Variants in COL12A1 observed in about 807,000 individuals in gnomAD.
COL12A1 encodes the protein collagen alpha-1(XII) chain.
In COL12A1, 114 loss-of-function variants were observed where a neutral mutation model predicts 349.7. The observed-to-expected ratio is 0.33, with a 90% confidence interval of 0.28 to 0.38. The LOEUF (loss-of-function observed/expected upper bound fraction) is 0.38, where lower values mean the gene tolerates loss of function less well. COL12A1 is among the 10% of genes least tolerant of loss of function. COL12A1 has a pLI of 1.00. For missense variants in COL12A1, 3,284 were observed against 3,756.9 expected (o/e 0.87, Z 3.29); for synonymous variants, 1,369 against 1,329.0 (o/e 1.03, Z -0.66).
intron 37 of COL12A1, 95 bp from the exon 38 acceptor site, chr6:75,128,520 G>A (rs1766130633): frequency 2.8e-6 from 3 of 1,088,024 alleles, no homozygotes; most frequent in Non-Finnish European, 3.6e-6. Flanking sequence ...AACAGTAATA[G>A]TAGTTTTTTT....
intron 14 of COL12A1, among the ~76,000 whole-genome samples, chr6:75,159,038 CAAGA>C (rs1379599042): frequency 6.6e-6 from 1 of 151,688 alleles, no homozygotes; most frequent in Non-Finnish European, 1.5e-5. Flanking sequence ...ACCCCAAACA[CAAGA>C]AACATAAAGA....
intron 32 of COL12A1, among the ~76,000 whole-genome samples, chr6:75,134,386 A>G (rs1286007114): frequency 1.3e-5 from 2 of 152,072 alleles, no homozygotes; most frequent in South Asian, 2.1e-4. Context: ...CCTGGCCAAC[A>G]TGGTGAAACC....
At chr6:75,150,718 T>C (rs1767437290) in intron 21 of COL12A1, among the ~76,000 whole-genome samples, 1 of 152,080 alleles carries the variant, frequency 6.6e-6, no homozygotes, top group African/African-American at 2.4e-5. Flanking sequence ...TTTAAGACAA[T>C]AGGTATATAC....
intron 60 of COL12A1, 100 bp downstream of exon 60, chr6:75,095,008 T>G (rs1582037675): frequency 5.5e-6 from 6 of 1,091,944 alleles, no homozygotes; most frequent in Non-Finnish European, 6.7e-6. Flanking sequence ...TTCAAACACA[T>G]TACAGCAGAG....
intron 51 of COL12A1, among the ~76,000 whole-genome samples, chr6:75,110,364 C>T (rs928110893): frequency 2.0e-5 from 3 of 151,996 alleles, no homozygotes; most frequent in Admixed American, 6.6e-5. Context: ...TGAATGCTAA[C>T]CATAGAGAAA....
At chr6:75,192,746 A>T (rs925515999) in intron 3 of COL12A1, among the ~76,000 whole-genome samples, 1 of 152,112 alleles carries the variant, frequency 6.6e-6, no homozygotes, top group African/African-American at 2.4e-5. Context: ...AGGAGAGCAG[A>T]GAGAGAGAAA....
Position 75,151,067 on chromosome 6 carries a change from C to T in COL12A1, c.4147+74G>A. The T allele has an allele frequency of 1.0e-5, 5 of 480,384 alleles. 1 individual carries two copies. The South Asian group carries it at 1.3e-4, about 13-fold the overall frequency. The allele number at this position is 480,384 out of a possible 1,614,324, so 29.8% of individuals were successfully genotyped here. ...TAGTGCACAAAATAGTGCCCTCCCC[C>T]CCACCCAAAAGAATAATTATTTGGC... On this transcript the variant is annotated intron_variant, in intron 21 of 65. Transcript: ENST00000322507.
chr6:75,121,992 T>C (rs1765755311), intron 43 of COL12A1, among the ~76,000 whole-genome samples: 2 of 151,978 alleles, frequency 1.3e-5, no homozygotes. Context: ...CCTGAGTAGC[T>C]GGGACTACAG....
Position 75,183,836 on chromosome 6 carries a change from A to C in COL12A1, c.1288+18T>G. 1 of 1,612,542 alleles carries C rather than the reference A, an allele frequency of 6.2e-7. No homozygotes were observed. The highest frequency in any genetic ancestry group is 8.5e-7 in the Non-Finnish European group (1 of 1,178,822). On this transcript the variant is annotated intron_variant, in intron 9 of 65. Coordinates refer to ENST00000322507, the MANE Select transcript of COL12A1 (RefSeq NM_004370.6). ...ATCTTCACATATTCCAAATACAATG[A>C]TGCACACATTGACTTACCCACTTGA...
At chr6:75,114,405 T>C (rs1768978118) in intron 49 of COL12A1, among the ~76,000 whole-genome samples, 1 of 152,046 alleles carries the variant, frequency 6.6e-6, no homozygotes, top group Non-Finnish European at 1.5e-5. Context: ...AGGAAATGTT[T>C]ATTGGCCCTC....
At chr6:75,099,544 A>C (rs1453358617) in intron 58 of COL12A1, among the ~76,000 whole-genome samples, 1 of 152,220 alleles carries the variant, frequency 6.6e-6, no homozygotes, top group Non-Finnish European at 1.5e-5. Flanking sequence ...ATATATTCGT[A>C]AATTGGAGTG....
intron 2 of COL12A1, among the ~76,000 whole-genome samples, chr6:75,195,319 T>C (rs1358149272): frequency 6.6e-6 from 1 of 152,200 alleles, no homozygotes; most frequent in Admixed American, 6.5e-5. Context: ...TTTCGATACA[T>C]GCTGAGTGCA....
intron 27 of COL12A1, among the ~76,000 whole-genome samples, chr6:75,141,580 T>C (rs1766894026): frequency 6.6e-6 from 1 of 152,198 alleles, no homozygotes; most frequent in Non-Finnish European, 1.5e-5. Flanking sequence ...CTCAGTTAAT[T>C]TTTTCTTATC....
intron 31 of COL12A1, among the ~76,000 whole-genome samples, chr6:75,135,628 G>A (rs1050441658): frequency 1.3e-5 from 2 of 152,176 alleles, no homozygotes; most frequent in African/African-American, 4.8e-5. Flanking sequence ...TGCCCAAAAT[G>A]AGTGCACATG....
Position 75,089,105 on chromosome 6 carries a change from C to T in COL12A1, c.9010+1G>A, listed in dbSNP as rs1334429147. On this transcript the variant is annotated splice_donor_variant, in intron 64 of 65. Transcript: ENST00000322507. LOFTEE classifies it high-confidence loss of function. ...CCTGTTTAAAATACTAGCAAACCTA[C>T]CTGGGGGGCCAGGCAGCCCCCGAGG... 6.2e-7 allele frequency: 1 copy of T among 1,609,686 alleles called. No homozygotes were observed. Among genetic ancestry groups the T allele is most frequent in the Non-Finnish European group, 8.5e-7 (1 of 1,178,222 alleles).
intron 5 of COL12A1, among the ~76,000 whole-genome samples, chr6:75,190,352 A>G (rs997734214): frequency 7.9e-5 from 12 of 151,954 alleles, no homozygotes; most frequent in African/African-American, 2.7e-4. Flanking sequence ...ATAATTGTCT[A>G]AAGTTTGCAT....
At chr6:75,203,939 A>G (rs776197373) in intron 1 of COL12A1, among the ~76,000 whole-genome samples, 8 of 152,218 alleles carry the variant, frequency 5.3e-5, no homozygotes, top group Non-Finnish European at 8.8e-5. Context: ...AAATGAGCCA[A>G]AGGTCGAGGC....
intron 10 of COL12A1, among the ~76,000 whole-genome samples, chr6:75,182,798 G>C (rs1769381040): frequency 6.6e-6 from 1 of 152,166 alleles, no homozygotes; most frequent in African/African-American, 2.4e-5. Flanking sequence ...AAACCTGCTT[G>C]ACAATCTAGG....
intron 51 of COL12A1, 42 bp downstream of exon 51, chr6:75,113,161 AT>A (rs764436819): frequency 4.2e-4 from 436 of 1,049,410 alleles, no homozygotes; most frequent in Non-Finnish European, 5.0e-4. Context: ...TTTGTTTTAT[AT>A]TTTTTTCTAG....
Sources: gnomAD v4.1 joint callset for allele counts (sites outside exome capture counted in the v4.1 genomes callset) on GRCh38, gnomAD v4.1.1 for gene constraint, MANE v1.5 for transcripts, NCBI Gene and HGNC (gene_info 2026-07-23, HGNC 2026-07-21) for gene names.